The following FAN1 variants were observed in gnomAD, a reference collection of about 807,000 sequenced individuals.
FAN1 encodes fanconi-associated nuclease 1.
In FAN1, 91 loss-of-function variants were observed where a neutral mutation model predicts 104.9. The observed-to-expected ratio is 0.87, with a 90% CI of 0.73 to 1.03. The LOEUF is 1.03. Among genes scored for constraint, FAN1 ranks in the 50% least tolerant of loss-of-function variants. The pLI, the probability that FAN1 is intolerant of heterozygous loss-of-function variation, is 0.00. For synonymous variants in FAN1, 478 were observed against 457.6 expected (o/e 1.04, Z -0.57); for missense variants, 1,263 against 1,239.9 (o/e 1.02, Z -0.28).
At chr15:30,933,692 T>C (rs1173334993) in intron 13 of FAN1, among the ~76,000 whole-genome samples, 1 of 152,216 alleles carries the variant, frequency 6.6e-6, no homozygotes, top group Non-Finnish European at 1.5e-5. Context: ...TCTTATTTAC[T>C]TGTTCTATAA....
intron 13 of FAN1, among the ~76,000 whole-genome samples, chr15:30,932,043 A>C (rs1050731233): frequency 5.3e-5 from 8 of 151,884 alleles, no homozygotes; most frequent in Non-Finnish European, 1.2e-4. Flanking sequence ...TAACATGGTG[A>C]AACCCCGTCT....
chr15:30,928,504 T>TTTTGTG (rs2062524546), intron 10 of FAN1, 49 bp from the exon 11 acceptor site: 1 of 1,090,292 alleles, frequency 9.2e-7, no homozygotes, highest in Non-Finnish European at 1.2e-6. Context: ...ATAAAACAGA[T>TTTTGTG]TTTGTGTGTG....
At chr15:30,937,511 G>A (rs937550514) in intron 14 of FAN1, among the ~76,000 whole-genome samples, 5 of 145,256 alleles carry the variant, frequency 3.4e-5, no homozygotes, top group Admixed American at 1.4e-4. Flanking sequence ...GAGTGCAGTG[G>A]TGTGATCTCG....
chr15:30,928,414 G>A (rs769014627), intron 10 of FAN1, 139 bp from the exon 11 acceptor site: 4 of 1,487,778 alleles, frequency 2.7e-6, no homozygotes, highest in Non-Finnish European at 3.6e-6. Flanking sequence ...AACAGCATTT[G>A]CTTCTGAATC....
intron 10 of FAN1, 117 bp from the exon 11 acceptor site, chr15:30,928,436 T>A (rs2062521122): frequency 6.6e-7 from 1 of 1,510,706 alleles, no homozygotes. Flanking sequence ...AAAATATTTC[T>A]ATTATTTTCT....
At chr15:30,934,042 T>G (rs1261804401) in intron 13 of FAN1, among the ~76,000 whole-genome samples, 2 of 152,148 alleles carry the variant, frequency 1.3e-5, no homozygotes, top group Non-Finnish European at 2.9e-5. Flanking sequence ...CCCAGCCAAT[T>G]TGTGTATTTC....
In FAN1 at chr15:30,913,946, G is replaced by C. The variant is rs773488581; in HGVS notation, c.1666G>C (p.Asp556His). 1.4e-5 allele frequency: 22 copies of C among 1,614,140 alleles called. No homozygotes were observed. The South Asian group carries it at 2.3e-4, about 17-fold the overall frequency. The stretch of plus-strand genomic sequence containing the variant: ...CATCTTGCTACTGTTTTCGTTGACC[G>C]ACTCAATGGAAGATGAAGACGCCGC... ...SRILLLFSLT[D>H]SMEDEDAACG... Residue 556 changes from aspartate (D) to histidine (H), a missense_variant, in exon 5 of 15, where the codon GAC (aspartate) becomes CAC (histidine). Coordinates refer to ENST00000362065, the MANE Select transcript of FAN1 (RefSeq NM_014967.5).
At chr15:30,907,536 A>G (rs2062009123) in intron 2 of FAN1, among the ~76,000 whole-genome samples, 1 of 151,904 alleles carries the variant, frequency 6.6e-6, no homozygotes, top group South Asian at 2.1e-4. Flanking sequence ...ACAAAACAAA[A>G]ACAAAACAAA....
At chr15:30,939,140 A>G (rs1249543718) in intron 14 of FAN1, 1 of 985,224 alleles carries the variant, frequency 1.0e-6, no homozygotes, top group Non-Finnish European at 1.2e-6. Flanking sequence ...TTGTTGACAA[A>G]TGTGAACAGC....
At chr15:30,906,810 C>T (rs748474753) in intron 2 of FAN1, among the ~76,000 whole-genome samples, 6 of 152,180 alleles carry the variant, frequency 3.9e-5, no homozygotes, top group Non-Finnish European at 8.8e-5. Context: ...ACTTCCATCT[C>T]TACTTTTGCT....
intron 4 of FAN1, chr15:30,911,559 T>C (rs2062100830): frequency 3.1e-6 from 3 of 971,374 alleles, no homozygotes; most frequent in African/African-American, 1.8e-5. Context: ...AAAATATAAA[T>C]ACCAACACTT....
chr15:30,917,595 G>A (rs2062222520), intron 5 of FAN1, among the ~76,000 whole-genome samples: 1 of 152,190 alleles, frequency 6.6e-6, no homozygotes, highest in Non-Finnish European at 1.5e-5. Context: ...GAATTTGTTG[G>A]TCAAATGTCT....
chr15:30,942,163 A>AAATT lies in FAN1; in HGVS notation c.*605_*608dup, dbSNP rs2063076730. On this transcript the variant is annotated 3_prime_UTR_variant, in exon 15 of 15. Coordinates refer to ENST00000362065, the MANE Select transcript of FAN1 (RefSeq NM_014967.5). Reference sequence around the variant, plus strand: ...GCAAATATAAACTCAATACTATGAAAAATTAATGGAATTTCAGCCTCAAAG... The same window carrying AAATT: ...GCAAATATAAACTCAATACTATGAAAAATTAATTAATGGAATTTCAGCCTCAAAG... The AAATT allele has an allele frequency of 2.1e-6, 3 of 1,399,202 alleles. No homozygotes were observed. Among genetic ancestry groups the AAATT allele is most frequent in the Non-Finnish European group, 2.9e-6 (3 of 1,035,406 alleles). The allele number at this position is 1,399,202 out of a possible 1,614,324, so 86.7% of individuals were successfully genotyped here. A position where few individuals can be genotyped will look rare whatever the true frequency, so the allele number is the denominator to read the frequency against.
At position 30,937,119 on chromosome 15, in the gene FAN1, C is replaced by T. The variant is rs763025727; in HGVS notation, c.2917C>T (p.Leu973=). The T allele has an allele frequency of 2.1e-5, 33 of 1,604,984 alleles. 1 individual carries two copies. The South Asian group carries it at 3.7e-4, about 18-fold the overall frequency. ...VWNSQSRHFK[L]VEVKGPNDRL... is the part of the protein sequence containing the mutation. ...CAACTTTTAAAAATTTCTTTTCCAG[C>T]TGGTGGAAGTTAAAGGCCCCAATGA... Residue 973 remains leucine (L), a splice_region_variant and synonymous_variant, in exon 14 of 15, where the codon CTG becomes TTG. Coordinates refer to ENST00000362065, the MANE Select transcript of FAN1 (RefSeq NM_014967.5).
In FAN1 at chr15:30,932,365, T is replaced by C. The variant is rs183630917; in HGVS notation, c.2916+1694T>C. ...GTTGATTTTGTAAAATATTAAGAAT[T>C]TTTGCATATATGTTCATGAAGGATA... On this transcript the variant is annotated intron_variant, in intron 13 of 14. Transcript: ENST00000362065. 4.6e-3 allele frequency among the ~76,000 whole-genome samples: 704 copies of C among 152,230 alleles called. 4 individuals are homozygous for C. The highest frequency in any genetic ancestry group is 0.016 in the African/African-American group (683 of 41,530).
intron 14 of FAN1, chr15:30,938,931 G>A (rs758460775): frequency 1.0e-6 from 1 of 985,284 alleles, no homozygotes; most frequent in Non-Finnish European, 1.2e-6. Context: ...ATTTCATACT[G>A]ACAACAACAA....
intron 2 of FAN1, chr15:30,906,504 GGTTT>G (rs2061982600): frequency 4.4e-6 from 2 of 456,710 alleles, no homozygotes; most frequent in Admixed American, 2.3e-5. Context: ...CAGCAGTGCA[GGTTT>G]GTAGTAAAAG....
intron 2 of FAN1, chr15:30,906,568 G>A (rs1437952097): frequency 8.8e-6 from 4 of 453,858 alleles, no homozygotes; most frequent in Non-Finnish European, 1.8e-5. Context: ...ATGACTCTGT[G>A]GAACCATGTC....
In FAN1 at chr15:30,928,548, C is replaced by T. The variant is rs764214947; in HGVS notation, c.2489-5C>T. ...TGTGTGTGTGTGTGTGTGACCTTGT[C>T]TTAGGGATTCATGGCGAAGGGTCCA... On this transcript the variant is annotated splice_polypyrimidine_tract_variant and splice_region_variant and intron_variant, in intron 10 of 14. Coordinates refer to ENST00000362065, the MANE Select transcript of FAN1 (RefSeq NM_014967.5). 1.4e-6 allele frequency: 2 copies of T among 1,432,198 alleles called. No individual in the cohort carries two copies. Among genetic ancestry groups the T allele is most frequent in the South Asian group, 1.2e-5 (1 of 85,454 alleles). 88.7% of individuals were successfully genotyped at this position (1,432,198 alleles called of 1,614,324 possible).
Sources: gnomAD v4.1 joint callset for allele counts (sites outside exome capture counted in the v4.1 genomes callset) on GRCh38, gnomAD v4.1.1 for gene constraint, MANE v1.5 for transcripts, NCBI Gene and HGNC (gene_info 2026-07-23, HGNC 2026-07-21) for gene names.